COL5A2: variants seen among roughly 807,000 people sequenced by gnomAD.
COL5A2 encodes the protein collagen alpha-2(V) chain.
Under a neutral mutation model 208.2 loss-of-function variants are expected in COL5A2, and 23 were observed. The ratio of observed to expected loss-of-function variants is 0.11; its 90% CI spans 0.08 to 0.16. The LOEUF (loss-of-function observed/expected upper bound fraction) is 0.16. COL5A2 is among the 10% of genes least tolerant of loss of function. COL5A2 has a pLI of 1.00. For missense variants in COL5A2, 1,590 were observed against 1,956.4 expected (o/e 0.81, Z 3.53); for synonymous variants, 625 against 628.5 (o/e 0.99, Z 0.08).
At chr2:189,285,801 C>G in the COL5A2 span, among the ~76,000 whole-genome samples, 7 of 152,166 alleles carry the variant, frequency 4.6e-5, no homozygotes, top group African/African-American at 1.7e-4. Context: ...ATTAATTTCT[C>G]TGTATTCTAT....
the COL5A2 span, among the ~76,000 whole-genome samples, chr2:189,241,031 C>T: frequency 2.0e-5 from 3 of 152,148 alleles, no homozygotes; most frequent in Non-Finnish European, 4.4e-5. Context: ...TAAAACCAAA[C>T]AGCTTGCCAC....
chr2:189,195,813 C>T (rs367827917), intron 1 of COL5A2, among the ~76,000 whole-genome samples: 1 of 151,698 alleles, frequency 6.6e-6, no homozygotes, highest in African/African-American at 2.4e-5. Flanking sequence ...CAAAAATTAA[C>T]TCTCGATAGA....
chr2:189,239,453 G>A, the COL5A2 span, among the ~76,000 whole-genome samples: 2 of 152,014 alleles, frequency 1.3e-5, no homozygotes, highest in Admixed American at 6.6e-5. Context: ...GTGAGGGAAG[G>A]GGACATGGTA....
At chr2:189,038,326 C>T (rs1017009184) in intron 51 of COL5A2, among the ~76,000 whole-genome samples, 19 of 152,306 alleles carry the variant, frequency 1.2e-4, no homozygotes, top group African/African-American at 4.3e-4. Context: ...ATTATGGTTT[C>T]CCGCTGCATC....
intron 19 of COL5A2, among the ~76,000 whole-genome samples, chr2:189,068,525 A>G (rs1686202996): frequency 6.6e-6 from 1 of 152,154 alleles, no homozygotes; most frequent in African/African-American, 2.4e-5. Context: ...GAATATATTA[A>G]ATTTTATATT....
At chr2:189,401,183 T>A in the COL5A2 span, among the ~76,000 whole-genome samples, 1 of 152,208 alleles carries the variant, frequency 6.6e-6, no homozygotes, top group South Asian at 2.1e-4. Context: ...ATCCATGAAC[T>A]ATTCTTCCTG....
At chr2:189,103,853 G>GTTCC (rs1687097882) in intron 3 of COL5A2, among the ~76,000 whole-genome samples, 1 of 151,788 alleles carries the variant, frequency 6.6e-6, no homozygotes, top group African/African-American at 2.4e-5. Flanking sequence ...GACATTCTTC[G>GTTCC]TTCCTTCCTT....
At chr2:189,180,382 C>T (rs1688761872), upstream of COL5A2, among the ~76,000 whole-genome samples, 1 of 152,140 alleles carries the variant, frequency 6.6e-6, no homozygotes, top group South Asian at 2.1e-4. Flanking sequence ...AAAGCATGTC[C>T]TTTCCTAATT....
intron 1 of COL5A2, among the ~76,000 whole-genome samples, chr2:189,145,155 T>G (rs938568295): frequency 1.3e-5 from 2 of 152,160 alleles, no homozygotes; most frequent in African/African-American, 4.8e-5. Flanking sequence ...CTTCAGACTC[T>G]GAGTAAGCGG....
At chr2:189,440,723 A>T in the COL5A2 span, among the ~76,000 whole-genome samples, 3 of 151,796 alleles carry the variant, frequency 2.0e-5, no homozygotes, top group African/African-American at 7.3e-5. Flanking sequence ...AAACATGTTG[A>T]GATTTTAGGG....
chr2:189,282,973 A>G, the COL5A2 span, among the ~76,000 whole-genome samples: 1 of 152,196 alleles, frequency 6.6e-6, no homozygotes. Context: ...AGAATATAAA[A>G]GACTACTATT....
the COL5A2 span, among the ~76,000 whole-genome samples, chr2:189,397,627 G>A: frequency 3.6e-4 from 3 of 8,316 alleles, no homozygotes; most frequent in Non-Finnish European, 1.6e-3. Flanking sequence ...GTATTTCATC[G>A]TTTTAATGTC....
the COL5A2 span, among the ~76,000 whole-genome samples, chr2:189,409,202 C>CTTTTTTTTTTTTTTTTTTTTTTT: frequency 1.1e-5 from 1 of 89,782 alleles, no homozygotes. Context: ...TATAAATTTA[C>CTTTTTTTTTTTTTTTTTTTTTTT]TCTTTTTTTT....
At chr2:189,117,537 C>G (rs1438888659) in intron 1 of COL5A2, among the ~76,000 whole-genome samples, 1 of 151,986 alleles carries the variant, frequency 6.6e-6, no homozygotes, top group Non-Finnish European at 1.5e-5. Flanking sequence ...ACAGGAGAGA[C>G]AAAAATCTGC....
At chr2:189,189,440 T>A (rs1688896254) in intron 1 of COL5A2, among the ~76,000 whole-genome samples, 2 of 152,156 alleles carry the variant, frequency 1.3e-5, no homozygotes, top group South Asian at 4.1e-4. Flanking sequence ...TTCCAGTTAC[T>A]TGGGAGGCCA....
the COL5A2 span, among the ~76,000 whole-genome samples, chr2:189,313,207 C>A: frequency 6.6e-6 from 1 of 152,054 alleles, no homozygotes; most frequent in African/African-American, 2.4e-5. Context: ...GAAATGTGGG[C>A]TTATGTAAAC....
chr2:189,124,180 C>G (rs1687563688), intron 1 of COL5A2, among the ~76,000 whole-genome samples: 1 of 152,130 alleles, frequency 6.6e-6, no homozygotes, highest in Non-Finnish European at 1.5e-5. Context: ...TTAAAATATA[C>G]TAAGATTGCG....
At position 189,064,562 on chromosome 2, in the gene COL5A2, C is replaced by A; in HGVS notation, c.1711G>T (p.Ala571Ser). 1 of 1,612,536 alleles carries A rather than the reference C, an allele frequency of 6.2e-7. No homozygotes were observed. ...GRPGEPGLPG[A>S]RGLTGNPGVQ... Reference sequence around the variant, plus strand: ...AACACTTGCTATATTCTTACCCGAGCACCTGGAAGCCCAGGTTCCCCTGGA... The same window carrying A: ...AACACTTGCTATATTCTTACCCGAGAACCTGGAAGCCCAGGTTCCCCTGGA... Residue 571 changes from alanine to serine, a missense_variant, in exon 25 of 54, where the codon GCT becomes TCT. By Grantham distance (99) the Ala-to-Ser change is moderately conservative. Coordinates refer to ENST00000374866, the MANE Select transcript of COL5A2 (RefSeq NM_000393.5).
intron 50 of COL5A2, among the ~76,000 whole-genome samples, chr2:189,040,003 T>C (rs890222327): frequency 3.3e-5 from 5 of 152,280 alleles, no homozygotes; most frequent in Admixed American, 1.3e-4. Context: ...TAAGATTACA[T>C]GTCAATAACA....
Sources: gnomAD v4.1 joint callset for allele counts (sites outside exome capture counted in the v4.1 genomes callset) on GRCh38, gnomAD v4.1.1 for gene constraint, MANE v1.5 for transcripts, NCBI Gene and HGNC (gene_info 2026-07-23, HGNC 2026-07-21) for gene names.